The following PCDHGA6 variants were observed in gnomAD, a reference collection of about 807,000 sequenced individuals.
PCDHGA6 encodes the protein protocadherin gamma-A6.
PCDHGA6 carries 41 observed loss-of-function variants against 60.6 expected under a neutral mutation model. The ratio of observed to expected loss-of-function variants is 0.68; its 90% CI spans 0.53 to 0.88. The LOEUF (loss-of-function observed/expected upper bound fraction) is 0.88. Among genes scored for constraint, PCDHGA6 ranks in the 40% least tolerant of loss-of-function variants. The pLI is 0.00. For synonymous variants in PCDHGA6, 594 were observed against 524.4 expected (o/e 1.13, Z -1.81); for missense variants, 1,312 against 1,203.0 (o/e 1.09, Z -1.34).
At chr5:141,438,637 C>T (rs11958903) in intron 1 of PCDHGA6, among the ~76,000 whole-genome samples, 3,503 of 30,116 alleles carry the variant, frequency 0.12, 108 homozygotes, top group Non-Finnish European at 0.15. Context: ...TATATATATA[C>T]ACACACACAC....
chr5:141,404,291 G>C, intron 1 of PCDHGA6: 1 of 1,613,956 alleles, frequency 6.2e-7, no homozygotes, highest in Non-Finnish European at 8.5e-7. Context: ...TGACATCAAT[G>C]ATAATCCACC....
Position 141,486,388 on chromosome 5 carries a change from C to T in PCDHGA6, c.2425-8419C>T, listed in dbSNP as rs2099628930. ...TCAAGTCTGCCTTCAGGAACCAGTT[C>T]TCCCTGGTGACTGCTGGACCCTTGG... On this transcript the variant is annotated intron_variant, in intron 1 of 3. Coordinates refer to ENST00000517434, the MANE Select transcript of PCDHGA6 (RefSeq NM_018919.3). This position sits in a 1 kb window ranked among gnomAD's most constrained non-coding sequence, Gnocchi z 5.0. 2 of 1,613,988 alleles carry T rather than the reference C, an allele frequency of 1.2e-6. No individual in the cohort carries two copies. The highest frequency in any genetic ancestry group is 2.7e-5 in the African/African-American group (2 of 74,924).
chr5:141,422,030 C>G, intron 1 of PCDHGA6: 1 of 1,609,592 alleles, frequency 6.2e-7, no homozygotes, highest in African/African-American at 1.3e-5. Flanking sequence ...GTTAATGCAA[C>G]GGATCCAGAC....
rs775051431 is a variant in PCDHGA6 at position 141,376,309 on chromosome 5, C to A, written c.2226C>A (p.Gly742=). 109 of 1,614,030 alleles carry A rather than the reference C, an allele frequency of 6.8e-5. No individual in the cohort carries two copies. The highest frequency in any genetic ancestry group is 8.9e-5 in the Non-Finnish European group (105 of 1,180,038). ...LASMPGSHFV[G]VEGVRAFLQT... Reference sequence around the variant, plus strand: ...GCATGCCCGGCTCGCACTTTGTGGGCGTGGAAGGGGTTCGGGCTTTCCTGC... The same window carrying A: ...GCATGCCCGGCTCGCACTTTGTGGGAGTGGAAGGGGTTCGGGCTTTCCTGC... Residue 742 remains glycine, a synonymous_variant, in exon 1 of 4, where the codon GGC becomes GGA. Coordinates refer to ENST00000517434, the MANE Select transcript of PCDHGA6 (RefSeq NM_018919.3).
chr5:141,415,026 G>T, intron 1 of PCDHGA6: 2 of 1,613,590 alleles, frequency 1.2e-6, no homozygotes, highest in Non-Finnish European at 1.7e-6. Context: ...AGGCCAGCGA[G>T]CCGGGACTCT....
At position 141,419,994 on chromosome 5, in the gene PCDHGA6, C is replaced by T. The variant is rs757658202; in HGVS notation, c.2424+43487C>T. 1.9e-6 allele frequency: 3 copies of T among 1,614,072 alleles called. No homozygotes were observed. Among genetic ancestry groups the T allele is most frequent in the East Asian group, 4.5e-5 (2 of 44,884 alleles). ...CTCCTCGCGGTGATTCTAGCTATTG[C>T]TCTACGCCTGCGACAGTCTTTCAGC... On this transcript the variant is annotated intron_variant, in intron 1 of 3. Coordinates refer to ENST00000517434, the MANE Select transcript of PCDHGA6 (RefSeq NM_018919.3).
At chr5:141,464,600 C>T (rs970370250) in intron 1 of PCDHGA6, among the ~76,000 whole-genome samples, 24 of 152,118 alleles carry the variant, frequency 1.6e-4, no homozygotes, top group Admixed American at 1.1e-3. Flanking sequence ...CCATAGTCTC[C>T]TTTGCAGAGT....
rs539905795 is a variant in PCDHGA6, at chr5:141,419,910, C to T, written c.2424+43403C>T. 1.5e-5 allele frequency: 25 copies of T among 1,614,086 alleles called. No individual in the cohort carries two copies. In the South Asian group the frequency reaches 2.4e-4, roughly 16 times the overall value. On this transcript the variant is annotated intron_variant, in intron 1 of 3. Coordinates refer to ENST00000517434, the MANE Select transcript of PCDHGA6 (RefSeq NM_018919.3). ...AGCGACCATCCCACACCCTCTGACT[C>T]CCAGGCTGAGATGCAGTTTTACCTG...
In PCDHGA6 at chr5:141,422,440, T is replaced by G. The variant is rs1028472076; in HGVS notation, c.2424+45933T>G. 11 of 1,610,116 alleles carry G rather than the reference T, an allele frequency of 6.8e-6. No homozygotes were observed. The highest frequency in any genetic ancestry group is 2.7e-5 in the African/African-American group (2 of 74,560). On this transcript the variant is annotated intron_variant, in intron 1 of 3. Transcript: ENST00000517434. ...AAAGACTTATGGAAATTATTACAAATTGATAACAAGCAGAGTGCTGGACAG... is the reference window on the plus strand; with the variant it reads ...AAAGACTTATGGAAATTATTACAAAGTGATAACAAGCAGAGTGCTGGACAG...
intron 1 of PCDHGA6, chr5:141,384,751 G>T (rs1403362361): frequency 1.2e-6 from 2 of 1,614,050 alleles, no homozygotes; most frequent in East Asian, 4.5e-5. Flanking sequence ...AGGACTCTTT[G>T]CGGTTGGGCT....
chr5:141,423,753 G>A (rs758300730), intron 1 of PCDHGA6: 1 of 626,096 alleles, frequency 1.6e-6, no homozygotes, highest in Non-Finnish European at 2.0e-6. Context: ...AACTGTTTGG[G>A]GGGGGGGTGG....
chr5:141,460,656 ACTGTAAACACAGT>A (rs2098994793), intron 1 of PCDHGA6, among the ~76,000 whole-genome samples: 1 of 152,086 alleles, frequency 6.6e-6, no homozygotes, highest in Admixed American at 6.6e-5. Flanking sequence ...CACATATGTA[ACTGTAAACACAGT>A]TATATATCTA....
intron 1 of PCDHGA6, chr5:141,410,230 C>T (rs759582867): frequency 6.2e-7 from 1 of 1,614,006 alleles, no homozygotes; most frequent in Admixed American, 1.7e-5. Flanking sequence ...CAGACCTCAG[C>T]GACCGCCCTG....
intron 1 of PCDHGA6, chr5:141,387,603 C>G (rs905416609): frequency 1.8e-6 from 1 of 544,680 alleles, no homozygotes; most frequent in African/African-American, 1.9e-5. Context: ...GCAGCAGAGG[C>G]TGTAGTTTCC....
At position 141,485,709 on chromosome 5, in the gene PCDHGA6, C is replaced by A. The variant is rs2099618118; in HGVS notation, c.2425-9098C>A. On this transcript the variant is annotated intron_variant, in intron 1 of 3. Transcript: ENST00000517434. This position sits in a 1 kb window ranked among gnomAD's most constrained non-coding sequence, Gnocchi z 5.7. ...AGGCTGAGCTCCAATGAACACTTTGCACTGGATGTGAAGAAGCGCAGCGAC... is the reference window on the plus strand; with the variant it reads ...AGGCTGAGCTCCAATGAACACTTTGAACTGGATGTGAAGAAGCGCAGCGAC... The A allele has an allele frequency of 1.2e-6, 2 of 1,614,128 alleles. No homozygotes were observed. The highest frequency in any genetic ancestry group is 1.7e-6 in the Non-Finnish European group (2 of 1,180,028).
At chr5:141,392,896 G>C in intron 1 of PCDHGA6, 2 of 1,613,812 alleles carry the variant, frequency 1.2e-6, no homozygotes, top group South Asian at 1.1e-5. Flanking sequence ...GAAATCGGGA[G>C]GGGACAGATT....
chr5:141,418,102 C>T (rs760484009), intron 1 of PCDHGA6: 15 of 1,614,014 alleles, frequency 9.3e-6, no homozygotes, highest in Non-Finnish European at 1.3e-5. Context: ...ACGCGCAGAG[C>T]GGGGACTTAC....
At position 141,431,365 on chromosome 5, in the gene PCDHGA6, C is replaced by T. The variant is rs2097365932; in HGVS notation, c.2424+54858C>T. ...TGGTGCTGAAACGCGCCCTGGACCG[C>T]GAAGAAAAGGCTGCTCACCACCTGG... On this transcript the variant is annotated intron_variant, in intron 1 of 3. Coordinates refer to ENST00000517434, the MANE Select transcript of PCDHGA6 (RefSeq NM_018919.3). The surrounding 1 kb of genome is among the most constrained non-coding windows in gnomAD (Gnocchi z 4.8). 6 of 1,613,980 alleles carry T rather than the reference C, an allele frequency of 3.7e-6. No homozygotes were observed. Among genetic ancestry groups the T allele is most frequent in the Non-Finnish European group, 5.1e-6 (6 of 1,180,028 alleles).
At position 141,485,120 on chromosome 5, in the gene PCDHGA6, G is replaced by T; in HGVS notation, c.2425-9687G>T. The T allele has an allele frequency of 7.4e-7, 1 of 1,348,050 alleles. No individual in the cohort carries two copies. Among genetic ancestry groups the T allele is most frequent in the Non-Finnish European group, 1.0e-6 (1 of 952,710 alleles). 83.5% of individuals were successfully genotyped at this position (1,348,050 alleles called of 1,614,324 possible). On this transcript the variant is annotated intron_variant, in intron 1 of 3. Transcript: ENST00000517434. The surrounding 1 kb of genome is among the most constrained non-coding windows in gnomAD (Gnocchi z 5.7). ...TCCAGCTGCTGTGGCTGTTTGGGGC[G>T]GGTCGGCTTCATCCGCGTCTCAGGA...
Sources: allele counts gnomAD v4.1 joint callset (sites outside exome capture counted in the v4.1 genomes callset), GRCh38; gene constraint gnomAD v4.1.1; non-coding constraint Gnocchi (gnomAD v3.1); transcripts MANE v1.5; gene names NCBI Gene and HGNC (gene_info 2026-07-23, HGNC 2026-07-21).